Variants in AGBL1 observed in about 807,000 individuals in gnomAD.
AGBL1 encodes AGBL carboxypeptidase 1.
In AGBL1, 130 loss-of-function variants were observed where a neutral mutation model predicts 118.9. The ratio of observed to expected loss-of-function variants is 1.09; its 90% CI spans 0.95 to 1.26. The LOEUF is 1.26. Ranked by LOEUF, AGBL1 falls within the 50% of genes most tolerant of loss-of-function variation. The pLI, the probability that AGBL1 is intolerant of heterozygous loss-of-function variation, is 0.00. For missense variants in AGBL1, 1,584 were observed against 1,298.1 expected, an observed-to-expected ratio of 1.22 and a Z score of -3.38; for synonymous variants, 555 against 478.9, an observed-to-expected ratio of 1.16 and a Z score of -2.08.
Position 86,126,187 on chromosome 15 carries a change from C to T in AGBL1, c.52-15817C>T, listed in dbSNP as rs190383014. ...TCTTAACTAATTAATTTTATAACCA[C>T]GCCTGCTGACATTGATTTTCTGGAA... On this transcript the variant is annotated intron_variant, in intron 1 of 22. Transcript: ENST00000614907. Among the ~76,000 whole-genome samples, 28 of 152,184 alleles carry T rather than the reference C, an allele frequency of 1.8e-4. No individual in the cohort carries two copies. The East Asian group carries it at 1.9e-3, about 10-fold the overall frequency.
At chr15:86,397,318 G>A in intron 17 of AGBL1, 48 bp from the exon 18 acceptor site, 3 of 1,311,890 alleles carry the variant, frequency 2.3e-6, no homozygotes, top group South Asian at 4.2e-5. Context: ...ATAAAATAGA[G>A]CAATATTAAA....
intron 17 of AGBL1, among the ~76,000 whole-genome samples, chr15:86,346,375 C>G (rs1343033656): frequency 2.1e-5 from 3 of 142,756 alleles, no homozygotes; most frequent in Admixed American, 7.0e-5. Flanking sequence ...GAGATGAAGT[C>G]TCGCTCTGTT....
chr15:86,358,336 T>G (rs1168508498), intron 17 of AGBL1, among the ~76,000 whole-genome samples: 1 of 152,250 alleles, frequency 6.6e-6, no homozygotes, highest in East Asian at 1.9e-4. Flanking sequence ...TTCAGGTTCA[T>G]CCATACTGTC....
chr15:86,389,058 A>G (rs1041474217), intron 17 of AGBL1, among the ~76,000 whole-genome samples: 2 of 152,212 alleles, frequency 1.3e-5, no homozygotes, highest in African/African-American at 4.8e-5. Context: ...ATGTATCGGT[A>G]ATAACTGATA....
chr15:86,296,172 C>G (rs568307158), intron 17 of AGBL1: 2 of 144,886 alleles, frequency 1.4e-5, no homozygotes, highest in South Asian at 2.2e-4. Flanking sequence ...TACGAACTAG[C>G]TTTTGAAAAT....
At chr15:86,231,198 G>T (rs2078449885) in intron 6 of AGBL1, among the ~76,000 whole-genome samples, 1 of 152,106 alleles carries the variant, frequency 6.6e-6, no homozygotes, top group Non-Finnish European at 1.5e-5. Flanking sequence ...AGCTCCAAAG[G>T]AACTGGGATT....
At chr15:86,800,497 T>C (rs2078634909) in intron 22 of AGBL1, among the ~76,000 whole-genome samples, 4 of 152,122 alleles carry the variant, frequency 2.6e-5, no homozygotes. Context: ...GAATCCTTCT[T>C]CCATAAGTCT....
chr15:87,007,863 T>C (rs2081520467), intron 24 of AGBL1, among the ~76,000 whole-genome samples: 1 of 152,234 alleles, frequency 6.6e-6, no homozygotes, highest in South Asian at 2.1e-4. Flanking sequence ...CTAATGTATA[T>C]GGCAATTCCT....
intron 5 of AGBL1, among the ~76,000 whole-genome samples, chr15:86,215,243 G>GTGTGTGTA (rs1437841830): frequency 6.6e-6 from 1 of 150,826 alleles, no homozygotes; most frequent in Non-Finnish European, 1.5e-5. Context: ...GTGTGTGTGT[G>GTGTGTGTA]TGTGTGTGTG....
At chr15:86,616,077 C>G (rs537914985) in intron 21 of AGBL1, among the ~76,000 whole-genome samples, 4 of 152,238 alleles carry the variant, frequency 2.6e-5, no homozygotes, top group South Asian at 2.1e-4. Context: ...TGGCTCACCC[C>G]TGTAATCCCA....
At chr15:86,551,981 G>A (rs545907098) in intron 20 of AGBL1, among the ~76,000 whole-genome samples, 3 of 152,288 alleles carry the variant, frequency 2.0e-5, no homozygotes, top group Admixed American at 6.5e-5. Flanking sequence ...AGTTTGGAAG[G>A]AAGGAAGGAA....
At chr15:86,641,979 A>G (rs2085199155) in intron 21 of AGBL1, among the ~76,000 whole-genome samples, 1 of 152,160 alleles carries the variant, frequency 6.6e-6, no homozygotes, top group African/African-American at 2.4e-5. Flanking sequence ...GTCTTTTCTT[A>G]TTATGTGATT....
intron 21 of AGBL1, among the ~76,000 whole-genome samples, chr15:86,559,442 C>T (rs761222160): frequency 5.9e-5 from 9 of 152,128 alleles, no homozygotes; most frequent in Non-Finnish European, 1.3e-4. Flanking sequence ...CTCTCCACCT[C>T]ATGATGAGGA....
intron 22 of AGBL1, among the ~76,000 whole-genome samples, chr15:86,841,629 T>A (rs2141438118): frequency 6.6e-6 from 1 of 152,222 alleles, no homozygotes; most frequent in South Asian, 2.1e-4. Context: ...GTGAATCATC[T>A]GAGGTCGGGA....
At chr15:86,818,191 T>G (rs1020359359) in intron 22 of AGBL1, among the ~76,000 whole-genome samples, 15 of 152,130 alleles carry the variant, frequency 9.9e-5, no homozygotes, top group Admixed American at 7.9e-4. Flanking sequence ...AGCTATAAGA[T>G]AACACATTTA....
At chr15:86,439,599 C>G (rs1342009741) in intron 18 of AGBL1, among the ~76,000 whole-genome samples, 10 of 152,128 alleles carry the variant, frequency 6.6e-5, no homozygotes, top group Non-Finnish European at 1.5e-4. Context: ...CAGGAGTCAG[C>G]AAAGATCACT....
rs137952888 is a variant in AGBL1, at chr15:86,722,725, G to A, written c.3158+48289G>A. Among the ~76,000 whole-genome samples the A allele has an allele frequency of 8.2e-3, 1,247 of 151,152 alleles. 16 individuals carry two copies. Among genetic ancestry groups the A allele is most frequent in the East Asian group, 0.049 (246 of 4,992 alleles). On this transcript the variant is annotated intron_variant, in intron 22 of 22. Transcript: ENST00000614907. ...TATCATCAGAGTGAACAGGCAACCTGCAGAATGGGAGAAAAGTTTTGCAAT... is the reference window on the plus strand; with the variant it reads ...TATCATCAGAGTGAACAGGCAACCTACAGAATGGGAGAAAAGTTTTGCAAT...
chr15:86,462,623 C>A (rs2082348267), intron 18 of AGBL1, among the ~76,000 whole-genome samples: 1 of 152,048 alleles, frequency 6.6e-6, no homozygotes, highest in Non-Finnish European at 1.5e-5. Context: ...TGCGATGTTC[C>A]CCTCCCTGTG....
At chr15:86,263,023 C>A in intron 10 of AGBL1, 129 bp downstream of exon 10, 2 of 694,150 alleles carry the variant, frequency 2.9e-6, no homozygotes, top group Non-Finnish European at 4.9e-6. Flanking sequence ...CTGGGCTCTT[C>A]CTTAGAGAAA....
Sources: gnomAD v4.1 joint callset for allele counts (sites outside exome capture counted in the v4.1 genomes callset) on GRCh38, gnomAD v4.1.1 for gene constraint, MANE v1.5 for transcripts, NCBI Gene and HGNC (gene_info 2026-07-23, HGNC 2026-07-21) for gene names.